The following RBFOX1 variants were observed in gnomAD, a reference collection of about 807,000 sequenced individuals.
RBFOX1 encodes the protein RNA binding fox-1 homolog 1, also known as RNA binding protein fox-1 homolog 1.
RBFOX1 carries 8 observed loss-of-function variants against 57.7 expected under a neutral mutation model. That is an observed-to-expected ratio of 0.14 (90% CI 0.08 to 0.25). The LOEUF (loss-of-function observed/expected upper bound fraction) is 0.25. Among genes scored for constraint, RBFOX1 ranks in the 10% least tolerant of loss-of-function variants. The pLI is 1.00. For synonymous variants in RBFOX1, 326 were observed against 222.4 expected (o/e 1.47, Z -4.15); for missense variants, 611 against 548.5 (o/e 1.11, Z -1.14).
At chr16:6,009,747 C>T (rs988597080) in intron 4 of RBFOX1, among the ~76,000 whole-genome samples, 1 of 151,754 alleles carries the variant, frequency 6.6e-6, no homozygotes, top group African/African-American at 2.4e-5. Flanking sequence ...GGACAAAATG[C>T]ACTGATATTC....
chr16:6,984,729 C>T (rs2089840519), intron 3 of RBFOX1, among the ~76,000 whole-genome samples: 1 of 152,126 alleles, frequency 6.6e-6, no homozygotes, highest in Non-Finnish European at 1.5e-5. Context: ...CAACCTCTGC[C>T]TCCCAGGTTC....
At chr16:6,183,288 G>C (rs532911736) in intron 1 of RBFOX1, among the ~76,000 whole-genome samples, 2 of 151,860 alleles carry the variant, frequency 1.3e-5, no homozygotes, top group African/African-American at 4.8e-5. Context: ...AGACCATCCT[G>C]GGTAACAAGG....
At chr16:6,400,525 C>T (rs796581231) in intron 2 of RBFOX1, among the ~76,000 whole-genome samples, 15 of 152,178 alleles carry the variant, frequency 9.9e-5, no homozygotes, top group African/African-American at 3.6e-4. Flanking sequence ...CAAGTTTCTC[C>T]TTTAAAACTA....
At chr16:6,813,308 C>G (rs377737172) in intron 3 of RBFOX1, among the ~76,000 whole-genome samples, 1 of 152,170 alleles carries the variant, frequency 6.6e-6, no homozygotes, top group Non-Finnish European at 1.5e-5. Context: ...AAACAACCCT[C>G]TTCGTTTCTA....
intron 3 of RBFOX1, among the ~76,000 whole-genome samples, chr16:6,925,953 A>C (rs2075500650): frequency 6.6e-6 from 1 of 152,040 alleles, no homozygotes; most frequent in South Asian, 2.1e-4. Context: ...ACCTAAACTC[A>C]TCGTTAAGTC....
At chr16:6,618,690 T>G (rs527384454) in intron 2 of RBFOX1, among the ~76,000 whole-genome samples, 41 of 152,264 alleles carry the variant, frequency 2.7e-4, no homozygotes, top group African/African-American at 9.6e-4. Context: ...TGTGATGTGT[T>G]GGTATTAGAA....
At chr16:6,480,213 T>G (rs1567374247) in intron 2 of RBFOX1, among the ~76,000 whole-genome samples, 2 of 152,330 alleles carry the variant, frequency 1.3e-5, no homozygotes, top group Admixed American at 1.3e-4. Context: ...CTTTTAAAAG[T>G]GATACACATG....
At chr16:7,410,575 G>T (rs867589169) in intron 4 of RBFOX1, among the ~76,000 whole-genome samples, 1 of 152,196 alleles carries the variant, frequency 6.6e-6, no homozygotes. Context: ...CAGTAAGGAG[G>T]CTGAGGCAGC....
chr16:7,563,454 A>T (rs2090913464), intron 5 of RBFOX1, among the ~76,000 whole-genome samples: 2 of 152,218 alleles, frequency 1.3e-5, no homozygotes, highest in East Asian at 3.9e-4. Context: ...TGCTATTGTT[A>T]TATATATACA....
At chr16:6,913,720 C>A (rs541794945) in intron 3 of RBFOX1, among the ~76,000 whole-genome samples, 7 of 152,142 alleles carry the variant, frequency 4.6e-5, no homozygotes, top group African/African-American at 1.7e-4. Context: ...TCCTCCCCTG[C>A]GTACCCTCCT....
At chr16:7,070,637 A>T (rs1003849717) in intron 4 of RBFOX1, among the ~76,000 whole-genome samples, 4 of 152,168 alleles carry the variant, frequency 2.6e-5, no homozygotes, top group Non-Finnish European at 5.9e-5. Context: ...TTGCTCCTAA[A>T]TGTTCTAATG....
chr16:6,853,938 A>G (rs1475142238), intron 3 of RBFOX1, among the ~76,000 whole-genome samples: 2 of 152,276 alleles, frequency 1.3e-5, no homozygotes, highest in African/African-American at 2.4e-5. Context: ...AGTAGCCTGC[A>G]TGTCTAGGTA....
intron 3 of RBFOX1, among the ~76,000 whole-genome samples, chr16:6,824,175 C>A (rs1006281736): frequency 2.6e-5 from 4 of 152,188 alleles, no homozygotes; most frequent in African/African-American, 9.7e-5. Context: ...GAGGCCAGGG[C>A]GGGTGGATCA....
At chr16:7,169,634 A>C (rs551931454) in intron 4 of RBFOX1, among the ~76,000 whole-genome samples, 1 of 152,356 alleles carries the variant, frequency 6.6e-6, no homozygotes, top group African/African-American at 2.4e-5. Flanking sequence ...GTGAAGAAAC[A>C]GAAATTCAGA....
intron 3 of RBFOX1, among the ~76,000 whole-genome samples, chr16:7,022,813 C>A (rs963800238): frequency 6.6e-6 from 1 of 152,074 alleles, no homozygotes; most frequent in African/African-American, 2.4e-5. Context: ...TCTTATTGAC[C>A]TGATTTTATA....
chr16:6,045,355 C>T (rs947154696), intron 1 of RBFOX1, among the ~76,000 whole-genome samples: 6 of 152,132 alleles, frequency 3.9e-5, no homozygotes, highest in African/African-American at 7.2e-5. Context: ...ATCATGACTC[C>T]GAGAGTTGAG....
In RBFOX1 at chr16:5,415,016, C is replaced by T. The variant is rs79555134; in HGVS notation, c.220-52200C>T. Reference sequence around the variant, plus strand: ...TTCCGTGTGCCAGGTTATATGTTAACAGTCTTGTAAGGTTGACCCCGTTTA... The same window carrying T: ...TTCCGTGTGCCAGGTTATATGTTAATAGTCTTGTAAGGTTGACCCCGTTTA... On this transcript the variant is annotated intron_variant, in intron 1 of 2. Coordinates refer to the RBFOX1 transcript ENST00000585867. Among the ~76,000 whole-genome samples, 172 of 152,256 alleles carry T rather than the reference C, an allele frequency of 1.1e-3. 1 individual carries two copies. The highest frequency in any genetic ancestry group is 3.4e-3 in the African/African-American group (140 of 41,552).
At chr16:6,004,235 T>C (rs1282193694) in intron 4 of RBFOX1, among the ~76,000 whole-genome samples, 1 of 152,198 alleles carries the variant, frequency 6.6e-6, no homozygotes, top group Non-Finnish European at 1.5e-5. Context: ...GAATACCTGC[T>C]CTACAGCCTG....
intron 4 of RBFOX1, chr16:7,126,408 G>C (rs1263916799): frequency 8.5e-6 from 2 of 234,746 alleles, no homozygotes; most frequent in East Asian, 1.1e-4. Flanking sequence ...ACTGTGAACT[G>C]TGCAGCTCAC....
Sources: allele counts gnomAD v4.1 joint callset (sites outside exome capture counted in the v4.1 genomes callset), GRCh38; gene constraint gnomAD v4.1.1; transcripts MANE v1.5; gene names NCBI Gene and HGNC (gene_info 2026-07-23, HGNC 2026-07-21).